Variants in PSMC1 observed in about 807,000 individuals in gnomAD.
PSMC1 encodes 26S proteasome regulatory subunit 4.
A neutral mutation model predicts 49.8 loss-of-function variants in PSMC1; 5 were observed. The ratio of observed to expected loss-of-function variants is 0.10; its 90% CI spans 0.05 to 0.21. The LOEUF (loss-of-function observed/expected upper bound fraction) is 0.21, where lower values mean the gene tolerates loss of function less well. Among genes scored for constraint, PSMC1 ranks in the 10% least tolerant of loss-of-function variants. The probability of loss-of-function intolerance (pLI) is 1.00; values close to 1 mark genes in which losing one functional copy is unlikely to be tolerated. For synonymous variants in PSMC1, 155 were observed against 192.1 expected, an observed-to-expected ratio of 0.81 and a Z score of 1.60; for missense variants, 181 against 535.7, an observed-to-expected ratio of 0.34 and a Z score of 6.54.
rs138314359 is a variant in PSMC1, at chr14:90,258,228, A to T, written c.4-932A>T. ...CAAATGAGGGGGTAATGATGGTACC[A>T]GTGTCATCGTGTTTGTAAGAATTAA... On this transcript the variant is annotated intron_variant, in intron 1 of 10. Coordinates refer to ENST00000261303, the MANE Select transcript of PSMC1 (RefSeq NM_002802.3). Among the ~76,000 whole-genome samples the T allele has an allele frequency of 5.1e-4, 77 of 152,340 alleles. No individual in the cohort carries two copies. In the East Asian group the frequency reaches 0.013, roughly 25 times the overall value.
rs1891706378 is a variant in PSMC1, at chr14:90,272,898, C to G, written c.*491C>G. ...TGCTTCCAAAGGAAGTACAGCTTTC[C>G]TTTTTGGAAGTTTTGTGGACCATGC... On this transcript the variant is annotated 3_prime_UTR_variant, in exon 11 of 11. Coordinates refer to ENST00000261303, the MANE Select transcript of PSMC1 (RefSeq NM_002802.3). This position sits in a 1 kb window ranked among gnomAD's most constrained non-coding sequence, Gnocchi z 4.5. 1 of 152,746 alleles carries G rather than the reference C, an allele frequency of 6.5e-6. No homozygotes were observed. The highest frequency in any genetic ancestry group is 2.4e-5 in the African/African-American group (1 of 41,454). 9.5% of individuals were successfully genotyped at this position (152,746 alleles called of 1,614,324 possible).
rs1168182346 is a variant in PSMC1 at position 90,272,409 on chromosome 14, G to A, written c.*2G>A. On this transcript the variant is annotated 3_prime_UTR_variant, in exon 11 of 11. Transcript: ENST00000261303. The surrounding 1 kb of genome is among the most constrained non-coding windows in gnomAD (Gnocchi z 4.5). ...ACCCCTGAGGGGCTGTATCTCTAAT[G>A]AACCATGGCTGTCATCAGGAAAATG... 2 of 1,542,836 alleles carry A rather than the reference G, an allele frequency of 1.3e-6. No homozygotes were observed. The highest frequency in any genetic ancestry group is 1.4e-5 in the African/African-American group (1 of 71,512).
intron 7 of PSMC1, among the ~76,000 whole-genome samples, chr14:90,266,138 C>G (rs1421641727): frequency 1.3e-5 from 2 of 152,006 alleles, no homozygotes; most frequent in East Asian, 3.9e-4. Flanking sequence ...ATCTGTAGTC[C>G]CAGCTACCTG....
In PSMC1 at chr14:90,272,021, T is replaced by C; in HGVS notation, c.1189-252T>C. ...AATTCTCCTGCCTCAGCCTCCCGAG[T>C]AGCTAGGATTACAGGTGCCTGCCAC... On this transcript the variant is annotated intron_variant, in intron 10 of 10. Coordinates refer to ENST00000261303, the MANE Select transcript of PSMC1 (RefSeq NM_002802.3). This position sits in a 1 kb window ranked among gnomAD's most constrained non-coding sequence, Gnocchi z 4.5. The C allele has an allele frequency of 3.4e-6, 1 of 294,182 alleles. No individual in the cohort carries two copies. The highest frequency in any genetic ancestry group is 6.6e-6 in the Non-Finnish European group (1 of 151,902). The allele number at this position is 294,182 out of a possible 1,614,324, so 18.2% of individuals were successfully genotyped here.
chr14:90,274,831 CA>C lies in PSMC1; in HGVS notation c.*2425del, dbSNP rs1386775825. 11,211 of 94,266 alleles carry C rather than the reference CA, an allele frequency of 0.12. 622 individuals are homozygous for C. The highest frequency in any genetic ancestry group is 0.22 in the Middle Eastern group (42 of 192). The allele number at this position is 94,266 out of a possible 1,614,324, so 5.8% of individuals were successfully genotyped here. On this transcript the variant is annotated 3_prime_UTR_variant, in exon 11 of 11. Transcript: ENST00000261303. Reference sequence around the variant, plus strand: ...ACACACACACACACACACACACACACACACACACCCCAATACATATGAATTG... The same window carrying C: ...ACACACACACACACACACACACACACCACACACCCCAATACATATGAATTG...
intron 1 of PSMC1, among the ~76,000 whole-genome samples, chr14:90,258,903 G>A: frequency 6.6e-6 from 1 of 152,154 alleles, no homozygotes; most frequent in East Asian, 1.9e-4. Flanking sequence ...TCTCAATAGA[G>A]TTGTTCTTGA....
chr14:90,259,865 T>C (rs1020288139), intron 2 of PSMC1, among the ~76,000 whole-genome samples: 29 of 151,930 alleles, frequency 1.9e-4, no homozygotes, highest in Non-Finnish European at 3.8e-4. Context: ...CAAGTGATCC[T>C]CCCGCCTCAG....
intron 8 of PSMC1, chr14:90,268,738 A>C (rs1021289632): frequency 8.5e-5 from 20 of 235,498 alleles, no homozygotes; most frequent in Non-Finnish European, 8.2e-6. Flanking sequence ...TCAGATACCA[A>C]ACATGGAAAC....
At position 90,267,993 on chromosome 14, in the gene PSMC1, A is replaced by G. The variant is rs184069176; in HGVS notation, c.692-231A>G. The G allele has an allele frequency of 9.1e-5, 38 of 417,106 alleles. 1 individual carries two copies. In the Admixed American group the frequency reaches 1.0e-3, roughly 11 times the overall value. The allele number at this position is 417,106 out of a possible 1,614,324, so 25.8% of individuals were successfully genotyped here. A position where few individuals can be genotyped will look rare whatever the true frequency, so the allele number is the denominator to read the frequency against. ...GTAAAAAGTATTTTCTGACGTTATC[A>G]TAAGTTCAGCAAAATAGCTAAGGAT... On this transcript the variant is annotated intron_variant, in intron 7 of 10. Transcript: ENST00000261303.
rs1333837002 is a variant in PSMC1, at chr14:90,267,923, C to G, written c.692-301C>G. On this transcript the variant is annotated intron_variant, in intron 7 of 10. Transcript: ENST00000261303. ...ATTCTTCGTACAGGTAATTATAGTT[C>G]GCAGCTTTTCAGGGGAAACTGGGTC... The G allele has an allele frequency of 2.5e-5, 7 of 281,150 alleles. No homozygotes were observed. In the East Asian group the frequency reaches 5.3e-4, roughly 21 times the overall value. 17.4% of individuals were successfully genotyped at this position (281,150 alleles called of 1,614,324 possible).
chr14:90,272,070 T>G lies in PSMC1; in HGVS notation c.1189-203T>G. 2.5e-6 allele frequency: 1 copy of G among 404,058 alleles called. No homozygotes were observed. Among genetic ancestry groups the G allele is most frequent in the Non-Finnish European group, 4.6e-6 (1 of 216,634 alleles). 25.0% of individuals were successfully genotyped at this position (404,058 alleles called of 1,614,324 possible). A position where few individuals can be genotyped will look rare whatever the true frequency, so the allele number is the denominator to read the frequency against. On this transcript the variant is annotated intron_variant, in intron 10 of 10. Transcript: ENST00000261303. The surrounding 1 kb of genome is among the most constrained non-coding windows in gnomAD (Gnocchi z 4.5). ...ACCGTCCCTGGCTAACTTTTTGTATTTTTAGTAGAGATGGGGTTTCACCGT... is the reference window on the plus strand; with the variant it reads ...ACCGTCCCTGGCTAACTTTTTGTATGTTTAGTAGAGATGGGGTTTCACCGT...
At position 90,274,819 on chromosome 14, in the gene PSMC1, CACACACACACACACA is replaced by C; in HGVS notation, c.*2413_*2427del. The C allele has an allele frequency of 9.0e-6, 1 of 111,156 alleles. No individual in the cohort carries two copies. The highest frequency in any genetic ancestry group is 3.2e-4 in the East Asian group (1 of 3,124). The allele number at this position is 111,156 out of a possible 1,614,324, so 6.9% of individuals were successfully genotyped here. On this transcript the variant is annotated 3_prime_UTR_variant, in exon 11 of 11. Transcript: ENST00000261303. ...ACACACACACACACACACACACACA[CACACACACACACACA>C]CACACCCCAATACATATGAATTGAT...
intron 8 of PSMC1, 97 bp downstream of exon 8, chr14:90,268,510 C>A: frequency 8.1e-7 from 1 of 1,241,904 alleles, no homozygotes; most frequent in Non-Finnish European, 1.2e-6. Flanking sequence ...TCCCTATGGC[C>A]ACAGTTCTTG....
intron 7 of PSMC1, among the ~76,000 whole-genome samples, chr14:90,266,767 A>G (rs932074009): frequency 2.0e-5 from 3 of 152,188 alleles, no homozygotes; most frequent in African/African-American, 4.8e-5. Context: ...ATAACATCCT[A>G]TCCACTGGAA....
chr14:90,257,157 C>G (rs544065804), intron 1 of PSMC1, among the ~76,000 whole-genome samples: 2 of 152,240 alleles, frequency 1.3e-5, no homozygotes, highest in Admixed American at 1.3e-4. Flanking sequence ...ATAAAAACAG[C>G]TAGCATTTAT....
chr14:90,269,418 T>C lies in PSMC1; in HGVS notation c.903T>C (p.Gly301=), dbSNP rs778047120. Residue 301 remains glycine, a synonymous_variant, in exon 9 of 11, where the codon GGT becomes GGC. Coordinates refer to ENST00000261303, the MANE Select transcript of PSMC1 (RefSeq NM_002802.3). ...GTKRYDSNSG[G]EREIQRTMLE... ...AAAGATATGACTCCAATTCTGGTGGTGAGAGAGAAATTCAGCGAACAATGT... is the reference window on the plus strand; with the variant it reads ...AAAGATATGACTCCAATTCTGGTGGCGAGAGAGAAATTCAGCGAACAATGT... 26 of 1,605,672 alleles carry C rather than the reference T, an allele frequency of 1.6e-5. No homozygotes were observed. The East Asian group carries it at 5.4e-4, about 33-fold the overall frequency.
intron 3 of PSMC1, among the ~76,000 whole-genome samples, chr14:90,262,399 T>C (rs1033859909): frequency 1.3e-5 from 2 of 152,108 alleles, no homozygotes; most frequent in African/African-American, 4.8e-5. Context: ...CAGGTATACA[T>C]GTGAAAATAA....
At chr14:90,263,140 A>AT (rs2139645131) in intron 3 of PSMC1, among the ~76,000 whole-genome samples, 178 bp from the exon 4 acceptor site, 1 of 152,242 alleles carries the variant, frequency 6.6e-6, no homozygotes, top group South Asian at 2.1e-4. Flanking sequence ...GAAGGGCTTG[A>AT]TTATATAACA....
intron 10 of PSMC1, 97 bp downstream of exon 10, chr14:90,270,449 G>C: frequency 7.6e-7 from 1 of 1,321,974 alleles, no homozygotes; most frequent in Non-Finnish European, 1.0e-6. Context: ...GCCTGGACAG[G>C]TGGGTGTCTG....
Sources: allele counts gnomAD v4.1 joint callset (sites outside exome capture counted in the v4.1 genomes callset), GRCh38; gene constraint gnomAD v4.1.1; non-coding constraint Gnocchi (gnomAD v3.1); transcripts MANE v1.5; gene names NCBI Gene and HGNC (gene_info 2026-07-23, HGNC 2026-07-21).